C1QTNF3: variants seen among roughly 807,000 people sequenced by gnomAD.
The protein encoded by C1QTNF3 is complement C1q tumor necrosis factor-related protein 3.
Under a neutral mutation model 32.6 loss-of-function variants are expected in C1QTNF3, and 26 were observed. The observed-to-expected ratio is 0.80, with a 90% CI of 0.58 to 1.11. C1QTNF3 has a LOEUF of 1.11. Ranked by LOEUF, C1QTNF3 falls within the 50% of genes least tolerant of loss-of-function variation. C1QTNF3 has a pLI of 0.00. For missense variants in C1QTNF3, 362 were observed against 398.2 expected (o/e 0.91, Z 0.77); for synonymous variants, 155 against 146.0 (o/e 1.06, Z -0.44).
At chr5:34,047,265 T>C (rs1381644941), upstream of C1QTNF3, among the ~76,000 whole-genome samples, 1 of 152,240 alleles carries the variant, frequency 6.6e-6, no homozygotes, top group East Asian at 1.9e-4. Context: ...AGTTAGGACG[T>C]TGGCAGGGCC....
chr5:34,215,647 TG>T, the C1QTNF3 span, among the ~76,000 whole-genome samples: 1 of 152,226 alleles, frequency 6.6e-6, no homozygotes, highest in African/African-American at 2.4e-5. Flanking sequence ...TGTGTTGTTT[TG>T]TTTTTTTACT....
chr5:34,132,325 C>T, the C1QTNF3 span, among the ~76,000 whole-genome samples: 1 of 151,718 alleles, frequency 6.6e-6, no homozygotes, highest in African/African-American at 2.4e-5. Context: ...GCGGAGGTTA[C>T]GGTGAGCTGA....
At chr5:34,074,438 C>T in the C1QTNF3 span, among the ~76,000 whole-genome samples, 13 of 151,578 alleles carry the variant, frequency 8.6e-5, no homozygotes, top group Non-Finnish European at 1.6e-4. Flanking sequence ...TTCTCTACAT[C>T]GGCTAATATA....
the C1QTNF3 span, among the ~76,000 whole-genome samples, chr5:34,122,113 T>C: frequency 6.6e-6 from 1 of 152,224 alleles, no homozygotes; most frequent in African/African-American, 2.4e-5. Context: ...GGGGGTGCTC[T>C]ATGCTATAAC....
At chr5:34,119,606 A>G in the C1QTNF3 span, among the ~76,000 whole-genome samples, 2 of 152,126 alleles carry the variant, frequency 1.3e-5, no homozygotes, top group Admixed American at 6.5e-5. Flanking sequence ...TCACTGTGCT[A>G]AAATCAAGGT....
chr5:34,208,542 C>A, the C1QTNF3 span, among the ~76,000 whole-genome samples: 1 of 151,722 alleles, frequency 6.6e-6, no homozygotes, highest in African/African-American at 2.4e-5. Context: ...AAATGTCCAC[C>A]GGATGGGAAG....
chr5:34,215,838 G>A, the C1QTNF3 span, among the ~76,000 whole-genome samples: 1 of 152,134 alleles, frequency 6.6e-6, no homozygotes, highest in Non-Finnish European at 1.5e-5. Context: ...TCACTATGTT[G>A]ACCAGGCTGG....
the C1QTNF3 span, chr5:34,105,919 C>CCT: frequency 7.0e-6 from 1 of 143,278 alleles, no homozygotes; most frequent in Non-Finnish European, 1.5e-5. Context: ...GGCATTGTGT[C>CCT]CTCTCTCATG....
the C1QTNF3 span, chr5:34,200,905 C>T: frequency 6.6e-6 from 1 of 151,840 alleles, no homozygotes; most frequent in Non-Finnish European, 1.5e-5. Context: ...CTTGGGATGA[C>T]TTATAAACAC....
Position 34,023,899 on chromosome 5 carries a change from G to A in C1QTNF3, c.800+10C>T. ...CATGGATGAGACCCATGACAGAAAAGACCACCCACCTGTACATGCTGAAGA... is the reference window on the plus strand; with the variant it reads ...CATGGATGAGACCCATGACAGAAAAAACCACCCACCTGTACATGCTGAAGA... On this transcript the variant is annotated intron_variant, in intron 5 of 5. Coordinates refer to ENST00000382065, the MANE Select transcript of C1QTNF3 (RefSeq NM_181435.6). 1 of 1,611,266 alleles carries A rather than the reference G, an allele frequency of 6.2e-7. No individual in the cohort carries two copies.
the C1QTNF3 span, among the ~76,000 whole-genome samples, chr5:34,163,760 C>T: frequency 6.6e-6 from 1 of 152,054 alleles, no homozygotes; most frequent in African/African-American, 2.4e-5. Flanking sequence ...TTAAATACTA[C>T]CTAGTAAACA....
At chr5:34,069,199 T>C in the C1QTNF3 span, among the ~76,000 whole-genome samples, 1 of 146,114 alleles carries the variant, frequency 6.8e-6, no homozygotes, top group Non-Finnish European at 1.5e-5. Context: ...CGATCAATAT[T>C]TCATTCAGGT....
chr5:34,154,988 G>T, the C1QTNF3 span, among the ~76,000 whole-genome samples: 10 of 152,248 alleles, frequency 6.6e-5, no homozygotes, highest in East Asian at 1.9e-3. Context: ...CTAACACATT[G>T]CTATGGTCAC....
At chr5:34,069,189 C>T in the C1QTNF3 span, among the ~76,000 whole-genome samples, 3 of 145,564 alleles carry the variant, frequency 2.1e-5, no homozygotes, top group Non-Finnish European at 4.5e-5. Flanking sequence ...TAGTTCCCAT[C>T]GATCAATATT....
At chr5:34,082,721 G>A in the C1QTNF3 span, among the ~76,000 whole-genome samples, 1 of 151,650 alleles carries the variant, frequency 6.6e-6, no homozygotes, top group African/African-American at 2.4e-5. Context: ...ACCTGAGAAA[G>A]CAACAGACAA....
chr5:34,241,907 T>C, the C1QTNF3 span, among the ~76,000 whole-genome samples: 2 of 112,248 alleles, frequency 1.8e-5, no homozygotes, highest in Non-Finnish European at 3.6e-5. Context: ...AGGAAGGAAA[T>C]AAGAAAAGGA....
At chr5:34,222,426 G>C in the C1QTNF3 span, among the ~76,000 whole-genome samples, 7 of 150,942 alleles carry the variant, frequency 4.6e-5, no homozygotes, top group Non-Finnish European at 8.9e-5. Context: ...CTATAACCAA[G>C]GCATAAATAT....
the C1QTNF3 span, chr5:34,168,883 T>G: frequency 6.6e-6 from 1 of 152,190 alleles, no homozygotes; most frequent in Non-Finnish European, 1.5e-5. Context: ...AAAATTCATG[T>G]GTTGGAAAAT....
the C1QTNF3 span, among the ~76,000 whole-genome samples, chr5:34,100,567 T>A: frequency 6.6e-6 from 1 of 151,402 alleles, no homozygotes; most frequent in Middle Eastern, 3.4e-3. Context: ...TCATTATTAT[T>A]ATAAAAATAT....
Sources: gnomAD v4.1 joint callset for allele counts (sites outside exome capture counted in the v4.1 genomes callset) on GRCh38, gnomAD v4.1.1 for gene constraint, MANE v1.5 for transcripts, NCBI Gene and HGNC (gene_info 2026-07-23, HGNC 2026-07-21) for gene names.